The following CDC42SE2 variants were observed in gnomAD, a reference collection of about 807,000 sequenced individuals.
CDC42SE2 encodes the protein CDC42 small effector protein 2.
A neutral mutation model predicts 11.5 loss-of-function variants in CDC42SE2; 3 were observed. That is an observed-to-expected ratio of 0.26 (90% CI 0.12 to 0.67). The LOEUF (loss-of-function observed/expected upper bound fraction) is 0.67. Ranked by LOEUF, CDC42SE2 falls within the 30% of genes least tolerant of loss-of-function variation. The pLI is 0.80. For missense variants in CDC42SE2, 82 were observed against 106.8 expected (o/e 0.77, Z 1.02); for synonymous variants, 33 against 34.8 (o/e 0.95, Z 0.18).
In CDC42SE2 at chr5:131,310,188, C is replaced by T. The variant is rs1046241782; in HGVS notation, c.-454-5788C>T. ...TTTCAAAGAACATCTTTATTTCTGC[C>T]TTCATTTTGTTATGTACCCAGTAGT... On this transcript the variant is annotated intron_variant, in intron 1 of 4. Coordinates refer to ENST00000505065, the MANE Select transcript of CDC42SE2 (RefSeq NM_001375635.1). Among the ~76,000 whole-genome samples the T allele has an allele frequency of 5.3e-5, 8 of 151,838 alleles. No individual in the cohort carries two copies. In the East Asian group the frequency reaches 1.4e-3, roughly 26 times the overall value.
intron 2 of CDC42SE2, among the ~76,000 whole-genome samples, chr5:131,326,427 A>G (rs1758303686): frequency 2.0e-5 from 3 of 152,134 alleles, no homozygotes; most frequent in Non-Finnish European, 2.9e-5. Flanking sequence ...GTGTATGGTT[A>G]TTGATCTTGT....
intron 2 of CDC42SE2, among the ~76,000 whole-genome samples, chr5:131,328,255 CA>C (rs149472563): frequency 0.013 from 2,020 of 152,196 alleles, 34 homozygotes; most frequent in African/African-American, 0.043. Context: ...ATCCTGTGTC[CA>C]GTGTCACTTT....
At chr5:131,215,668 T>C in the CDC42SE2 span, among the ~76,000 whole-genome samples, 1 of 152,292 alleles carries the variant, frequency 6.6e-6, no homozygotes, top group African/African-American at 2.4e-5. Context: ...ACAGAGTTCA[T>C]TGGCCTTGTT....
In CDC42SE2 at chr5:131,359,319, T is replaced by C. The variant is rs775396081; in HGVS notation, c.-175T>C. ...AAAGAAAGGAAACAATCCAAATTTT[T>C]CTTTATTAAATCGACTGTGTAAGAT... On this transcript the variant is annotated 5_prime_UTR_variant, in exon 3 of 5. Coordinates refer to ENST00000505065, the MANE Select transcript of CDC42SE2 (RefSeq NM_001375635.1). 1.6e-6 allele frequency: 1 copy of C among 627,328 alleles called. No homozygotes were observed. Among genetic ancestry groups the C allele is most frequent in the Non-Finnish European group, 2.9e-6 (1 of 346,416 alleles). The allele number at this position is 627,328 out of a possible 1,614,324, so 38.9% of individuals were successfully genotyped here. A position where few individuals can be genotyped will look rare whatever the true frequency, so the allele number is the denominator to read the frequency against.
intron 2 of CDC42SE2, among the ~76,000 whole-genome samples, chr5:131,349,849 A>G (rs1758957070): frequency 6.6e-6 from 1 of 152,204 alleles, no homozygotes; most frequent in Admixed American, 6.5e-5. Context: ...ACAAATAAAA[A>G]ATTTAATATA....
At chr5:131,248,094 C>T (rs963016222) in intron 1 of CDC42SE2, among the ~76,000 whole-genome samples, 1 of 151,346 alleles carries the variant, frequency 6.6e-6, no homozygotes, top group African/African-American at 2.4e-5. Context: ...TCTAAAGAAA[C>T]ATCCTTCTAA....
intron 1 of CDC42SE2, among the ~76,000 whole-genome samples, chr5:131,246,232 G>A (rs983146372): frequency 3.3e-5 from 5 of 152,188 alleles, no homozygotes; most frequent in African/African-American, 1.2e-4. Flanking sequence ...GCAGCAGGCA[G>A]ATTACCTGAG....
intron 1 of CDC42SE2, among the ~76,000 whole-genome samples, chr5:131,294,141 G>A (rs1052666557): frequency 2.0e-5 from 3 of 152,102 alleles, no homozygotes; most frequent in Admixed American, 6.5e-5. Flanking sequence ...TGAAAAGTAC[G>A]CACAATATTG....
intron 3 of CDC42SE2, among the ~76,000 whole-genome samples, chr5:131,382,401 G>T (rs560009277): frequency 4.6e-5 from 7 of 152,200 alleles, no homozygotes; most frequent in Admixed American, 1.3e-4. Flanking sequence ...ACACAGTCCT[G>T]CAGTAACTCA....
chr5:131,360,158 T>C (rs1484426900), intron 3 of CDC42SE2, among the ~76,000 whole-genome samples: 1 of 152,208 alleles, frequency 6.6e-6, no homozygotes, highest in Non-Finnish European at 1.5e-5. Context: ...TTCACTCTTA[T>C]TGCCCAGGCT....
chr5:131,341,459 T>C (rs1015227587), intron 2 of CDC42SE2, among the ~76,000 whole-genome samples: 1 of 152,198 alleles, frequency 6.6e-6, no homozygotes, highest in African/African-American at 2.4e-5. Flanking sequence ...AAATATCAAA[T>C]GTAAGGAATT....
chr5:131,298,614 TTC>T (rs1376929788), intron 1 of CDC42SE2, among the ~76,000 whole-genome samples: 3 of 62,918 alleles, frequency 4.8e-5, no homozygotes, highest in Non-Finnish European at 1.1e-4. Context: ...TTGTAGATAG[TTC>T]TTTCTTTTTT....
At chr5:131,220,068 A>T in the CDC42SE2 span, among the ~76,000 whole-genome samples, 5 of 152,322 alleles carry the variant, frequency 3.3e-5, no homozygotes, top group African/African-American at 1.2e-4. Flanking sequence ...ATGTTTGATC[A>T]GGGATTACTG....
At chr5:131,298,254 C>T (rs952979278) in intron 1 of CDC42SE2, among the ~76,000 whole-genome samples, 1 of 151,800 alleles carries the variant, frequency 6.6e-6, no homozygotes, top group African/African-American at 2.4e-5. Context: ...AGGCAGGCAC[C>T]ACCATGCCTG....
chr5:131,212,351 A>G, the CDC42SE2 span, among the ~76,000 whole-genome samples: 60 of 152,272 alleles, frequency 3.9e-4, no homozygotes, highest in African/African-American at 1.4e-3. Flanking sequence ...CAGGTGATCC[A>G]TCCGCCTTGG....
chr5:131,248,656 C>T (rs544531404), intron 1 of CDC42SE2, among the ~76,000 whole-genome samples: 1 of 152,226 alleles, frequency 6.6e-6, no homozygotes, highest in Admixed American at 6.5e-5. Flanking sequence ...TGCATTACTA[C>T]ATATTAGCAA....
In CDC42SE2 at chr5:131,392,781, G is replaced by A. The variant is rs754198072; in HGVS notation, c.*1690G>A. 3 of 152,132 alleles carry A rather than the reference G, an allele frequency of 2.0e-5. No homozygotes were observed. The highest frequency in any genetic ancestry group is 2.9e-5 in the Non-Finnish European group (2 of 68,034). 9.4% of individuals were successfully genotyped at this position (152,132 alleles called of 1,614,324 possible). On this transcript the variant is annotated 3_prime_UTR_variant, in exon 5 of 5. Transcript: ENST00000505065. Reference sequence around the variant, plus strand: ...ATTTTTACTTCTTTTTAATGTTATGGTATCCAGTTGTTTCCAGTAGCAGTT... The same window carrying A: ...ATTTTTACTTCTTTTTAATGTTATGATATCCAGTTGTTTCCAGTAGCAGTT...
chr5:131,324,298 G>A (rs1192950002), intron 2 of CDC42SE2, among the ~76,000 whole-genome samples: 1 of 152,128 alleles, frequency 6.6e-6, no homozygotes, highest in Non-Finnish European at 1.5e-5. Flanking sequence ...CTTCATGGCT[G>A]TTTTTATTTG....
At chr5:131,346,789 T>G (rs1220680400) in intron 2 of CDC42SE2, among the ~76,000 whole-genome samples, 1 of 152,062 alleles carries the variant, frequency 6.6e-6, no homozygotes, top group African/African-American at 2.4e-5. Context: ...AGAACAGAAA[T>G]TATAACAAAC....
Sources: gnomAD v4.1 joint callset for allele counts (sites outside exome capture counted in the v4.1 genomes callset) on GRCh38, gnomAD v4.1.1 for gene constraint, MANE v1.5 for transcripts, NCBI Gene and HGNC (gene_info 2026-07-23, HGNC 2026-07-21) for gene names.